ZNF469: variants seen among roughly 807,000 people sequenced by gnomAD.
ZNF469 encodes the protein zinc finger protein 469.
A neutral mutation model predicts 1.0 loss-of-function variants in ZNF469; 1 was observed. The observed-to-expected ratio is 1.00, with a 90% CI of 0.35 to 4.73. ZNF469 has a LOEUF of 4.73. Ranked by LOEUF, ZNF469 falls within the 30% of genes most tolerant of loss-of-function variation. The pLI is 0.16. For missense variants in ZNF469, 6,100 were observed against 5,356.3 expected, an observed-to-expected ratio of 1.14 and a Z score of -4.33; for synonymous variants, 2,703 against 2,363.4, an observed-to-expected ratio of 1.14 and a Z score of -4.17.
chr16:88,342,659 T>C, the ZNF469 span, among the ~76,000 whole-genome samples: 4 of 152,158 alleles, frequency 2.6e-5, no homozygotes, highest in African/African-American at 9.7e-5. Context: ...TCCCTGTAAC[T>C]TGGGGACAGA....
At chr16:88,141,670 T>A in the ZNF469 span, among the ~76,000 whole-genome samples, 1 of 152,246 alleles carries the variant, frequency 6.6e-6, no homozygotes, top group South Asian at 2.1e-4. Context: ...ACCATCCTGG[T>A]CATCTGGGTG....
the ZNF469 span, chr16:88,178,221 G>C: frequency 1.3e-5 from 2 of 152,150 alleles, no homozygotes; most frequent in Admixed American, 1.3e-4. Context: ...GGGCTGGAGA[G>C]TGGGCAGGAG....
upstream of ZNF469, among the ~76,000 whole-genome samples, chr16:88,380,142 C>G (rs542065434): frequency 1.7e-5 from 1 of 59,602 alleles, no homozygotes; most frequent in East Asian, 1.4e-3. Flanking sequence ...CAGACACACA[C>G]TCACACACAA....
In ZNF469 at chr16:88,430,614, G is replaced by A. The variant is rs1390780265; in HGVS notation, c.3144G>A (p.Lys1048=). 8 of 1,501,480 alleles carry A rather than the reference G, an allele frequency of 5.3e-6. No homozygotes were observed. Among genetic ancestry groups the A allele is most frequent in the Non-Finnish European group, 6.2e-6 (7 of 1,130,946 alleles). The allele number at this position is 1,501,480 out of a possible 1,614,324, so 93.0% of individuals were successfully genotyped here. Residue 1048 remains lysine (K), a synonymous_variant, in exon 3 of 3, where the codon AAG becomes AAA. Transcript: ENST00000565624. Reference sequence around the variant, plus strand: ...AGGCTCGGGGCGGCGCCTGGGGCAAGGAGCTCATTCTGAAGATCGTGCAGC... The same window carrying A: ...AGGCTCGGGGCGGCGCCTGGGGCAAAGAGCTCATTCTGAAGATCGTGCAGC... ...KRKARGGAWG[K]ELILKIVQQK...
the ZNF469 span, among the ~76,000 whole-genome samples, chr16:88,352,929 G>A: frequency 1.3e-5 from 2 of 152,314 alleles, no homozygotes; most frequent in African/African-American, 4.8e-5. Flanking sequence ...AGGCCTGGGA[G>A]GTGGGGGCAG....
chr16:88,230,890 A>C, the ZNF469 span, among the ~76,000 whole-genome samples: 1 of 149,072 alleles, frequency 6.7e-6, no homozygotes, highest in South Asian at 2.1e-4. Context: ...CCGGGCTCTC[A>C]CAGCGGGAGC....
chr16:88,124,735 C>T, the ZNF469 span, among the ~76,000 whole-genome samples: 3 of 152,098 alleles, frequency 2.0e-5, no homozygotes, highest in Non-Finnish European at 2.9e-5. Flanking sequence ...CAGGCATGCA[C>T]CACCACACCT....
At chr16:88,194,936 CTCTT>C in the ZNF469 span, 3 of 152,282 alleles carry the variant, frequency 2.0e-5, no homozygotes, top group South Asian at 4.1e-4. Context: ...CGGTATTTCT[CTCTT>C]TCTTCAGCCC....
At chr16:88,260,996 G>A in the ZNF469 span, among the ~76,000 whole-genome samples, 37 of 152,312 alleles carry the variant, frequency 2.4e-4, 1 homozygote, top group South Asian at 7.3e-3. This position sits in a 1 kb window ranked among gnomAD's most constrained non-coding sequence, Gnocchi z 4.1. Flanking sequence ...GAAACACGGC[G>A]GAGAGGATCA....
the ZNF469 span, among the ~76,000 whole-genome samples, chr16:88,123,276 G>C: frequency 5.9e-5 from 9 of 152,258 alleles, no homozygotes; most frequent in Middle Eastern, 3.4e-3. Flanking sequence ...CTGGCTGTGT[G>C]TCTGTTCTTT....
chr16:88,318,180 C>T, the ZNF469 span, among the ~76,000 whole-genome samples: 1 of 152,346 alleles, frequency 6.6e-6, no homozygotes, highest in East Asian at 1.9e-4. Context: ...ATCTTCGGGC[C>T]CAGCCTGGGC....
chr16:88,364,132 G>A, the ZNF469 span, among the ~76,000 whole-genome samples: 1 of 152,202 alleles, frequency 6.6e-6, no homozygotes, highest in Non-Finnish European at 1.5e-5. Flanking sequence ...TTAGAGCTAA[G>A]ATTCCGAAAT....
the ZNF469 span, among the ~76,000 whole-genome samples, chr16:88,322,692 C>T: frequency 1.3e-5 from 2 of 152,190 alleles, no homozygotes; most frequent in Non-Finnish European, 2.9e-5. Context: ...AGTCAGGGGT[C>T]GCCCTTGCCT....
chr16:88,383,510 C>G (rs1299846427), intron 1 of ZNF469, among the ~76,000 whole-genome samples: 1 of 149,532 alleles, frequency 6.7e-6, no homozygotes, highest in Non-Finnish European at 1.5e-5. Flanking sequence ...CAGCCTTGCC[C>G]GGAGCGGAGC....
chr16:88,406,046 G>A (rs929100511), intron 1 of ZNF469, among the ~76,000 whole-genome samples: 2 of 152,250 alleles, frequency 1.3e-5, no homozygotes, highest in Middle Eastern at 3.2e-3. Context: ...GAAGGTGGCG[G>A]GAGCCAGGGA....
the ZNF469 span, chr16:88,191,796 G>A: frequency 2.0e-5 from 3 of 152,244 alleles, no homozygotes; most frequent in Non-Finnish European, 4.4e-5. Flanking sequence ...AGGCAGAGGT[G>A]AAATGTTCGG....
chr16:88,107,974 G>A, the ZNF469 span, among the ~76,000 whole-genome samples: 171 of 152,372 alleles, frequency 1.1e-3, no homozygotes, highest in African/African-American at 3.9e-3. Context: ...CACAGGTCTC[G>A]CTGACCCCAG....
the ZNF469 span, among the ~76,000 whole-genome samples, chr16:88,228,852 C>T: frequency 1.3e-5 from 2 of 152,150 alleles, no homozygotes; most frequent in African/African-American, 4.8e-5. Context: ...GCAACACACA[C>T]CAGTTTGGCC....
intron 1 of ZNF469, among the ~76,000 whole-genome samples, chr16:88,393,335 A>G (rs6500479): frequency 0.68 from 103,090 of 152,210 alleles, 35,528 homozygotes; most frequent in African/African-American, 0.8. Context: ...CTGAGCGCTC[A>G]GGGCCTGCCT....
Sources: allele counts gnomAD v4.1 joint callset (sites outside exome capture counted in the v4.1 genomes callset), GRCh38; gene constraint gnomAD v4.1.1; non-coding constraint Gnocchi (gnomAD v3.1); transcripts MANE v1.5; gene names NCBI Gene and HGNC (gene_info 2026-07-23, HGNC 2026-07-21).